Variants in ZNF724 observed in about 807,000 individuals in gnomAD.
ZNF724 encodes zinc finger protein 724 pseudogene.
Under a neutral mutation model 29.3 loss-of-function variants are expected in ZNF724, and 14 were observed. That is an observed-to-expected ratio of 0.48 (90% CI 0.32 to 0.75). ZNF724 has a LOEUF of 0.75. Among genes scored for constraint, ZNF724 ranks in the 30% least tolerant of loss-of-function variants. The pLI is 0.04. For synonymous variants in ZNF724, 180 were observed against 193.6 expected (o/e 0.93, Z 0.58); for missense variants, 557 against 571.2 (o/e 0.98, Z 0.25).
chr19:23,232,288 T>C lies in ZNF724; in HGVS notation c.9A>G (p.Pro3=). 2 of 1,239,050 alleles carry C rather than the reference T, an allele frequency of 1.6e-6. No homozygotes were observed. Among genetic ancestry groups the C allele is most frequent in the Non-Finnish European group, 2.4e-6 (2 of 840,100 alleles). The allele number at this position is 1,239,050 out of a possible 1,614,324, so 76.8% of individuals were successfully genotyped here. ...CTATGGCCACATCCATAAATGTCAA[T>C]GGTCCCTGAAAAGTACACACACACA... is the stretch of plus-strand genomic sequence containing the variant. MG[P]LTFMDVAIEF... Residue 3 remains proline (P), a synonymous_variant, in exon 2 of 4, where the codon CCA becomes CCG. Coordinates refer to ENST00000418100, the MANE Select transcript of ZNF724 (RefSeq NM_001355404.2).
intron 1 of ZNF724, among the ~76,000 whole-genome samples, chr19:23,247,642 G>A (rs550584135): frequency 2.6e-5 from 4 of 152,262 alleles, no homozygotes; most frequent in Admixed American, 2.6e-4. Flanking sequence ...TCTTGTACTA[G>A]CTCACTGAGA....
Position 23,223,498 on chromosome 19 carries a change from A to C in ZNF724, c.747T>G (p.Thr249=), listed in dbSNP as rs1192464708. ...CTTCACGTTTGTAGGATTTCTCTCCAGTATGAATTATCTTATGTGTGTTAA... is the reference window on the plus strand; with the variant it reads ...CTTCACGTTTGTAGGATTTCTCTCCCGTATGAATTATCTTATGTGTGTTAA... The part of the protein sequence containing the change: ...SHLNTHKIIH[T]GEKSYKREEC... Residue 249 remains threonine, a synonymous_variant, in exon 4 of 4, where the codon ACT becomes ACG. Transcript: ENST00000418100. The C allele has an allele frequency of 5.3e-6, 4 of 752,000 alleles. No homozygotes were observed. In the Admixed American group the frequency reaches 7.4e-5, roughly 14 times the overall value. The allele number at this position is 752,000 out of a possible 1,614,324, so 46.6% of individuals were successfully genotyped here. A position where few individuals can be genotyped will look rare whatever the true frequency, so the allele number is the denominator to read the frequency against.
At position 23,222,340 on chromosome 19, in the gene ZNF724, G is replaced by A; in HGVS notation, c.*45C>T. On this transcript the variant is annotated 3_prime_UTR_variant, in exon 4 of 4. Coordinates refer to ENST00000418100, the MANE Select transcript of ZNF724 (RefSeq NM_001355404.2). ...GATCCACCCGCCTTGGCCTCCCAAAGTGCTGGGATTACAGGTGTGAGCCAC... is the reference window on the plus strand; with the variant it reads ...GATCCACCCGCCTTGGCCTCCCAAAATGCTGGGATTACAGGTGTGAGCCAC... The A allele has an allele frequency of 1.3e-6, 1 of 792,760 alleles. No individual in the cohort carries two copies. Among genetic ancestry groups the A allele is most frequent in the Non-Finnish European group, 2.0e-6 (1 of 492,830 alleles). The allele number at this position is 792,760 out of a possible 1,614,324, so 49.1% of individuals were successfully genotyped here. A position where few individuals can be genotyped will look rare whatever the true frequency, so the allele number is the denominator to read the frequency against.
Position 23,222,163 on chromosome 19 carries a change from T to C in ZNF724, c.*222A>G. 1 of 476,778 alleles carries C rather than the reference T, an allele frequency of 2.1e-6. No individual in the cohort carries two copies. The highest frequency in any genetic ancestry group is 3.3e-5 in the South Asian group (1 of 30,632). 29.5% of individuals were successfully genotyped at this position (476,778 alleles called of 1,614,324 possible). On this transcript the variant is annotated 3_prime_UTR_variant, in exon 4 of 4. Coordinates refer to ENST00000418100, the MANE Select transcript of ZNF724 (RefSeq NM_001355404.2). ...ACACTTGTAGAGGTTTCCTCTACTA[T>C]ATTTTACCTACAATCAAGTATGACA...
chr19:23,237,729 A>AAAAG (rs971067496), intron 1 of ZNF724, among the ~76,000 whole-genome samples: 17 of 151,496 alleles, frequency 1.1e-4, no homozygotes, highest in Non-Finnish European at 2.1e-4. Context: ...AAAAAAAAAA[A>AAAAG]AAAAGAAAAT....
At chr19:23,228,939 T>C (rs1242188343) in intron 3 of ZNF724, among the ~76,000 whole-genome samples, 1 of 150,756 alleles carries the variant, frequency 6.6e-6, no homozygotes, top group African/African-American at 2.4e-5. Flanking sequence ...TGGCGCGTGC[T>C]TATAATCCCA....
chr19:23,223,954 T>A lies in ZNF724; in HGVS notation c.291A>T (p.Arg97Ser). The A allele has an allele frequency of 1.3e-6, 1 of 745,176 alleles. No individual in the cohort carries two copies. Among genetic ancestry groups the A allele is most frequent in the Non-Finnish European group, 2.5e-6 (1 of 404,542 alleles). The allele number at this position is 745,176 out of a possible 1,614,324, so 46.2% of individuals were successfully genotyped here. The change falls in exon 4 of 4, where the codon AGA becomes AGT. Residue 97 changes from arginine to serine, a missense_variant. By Grantham distance (110) the Arg-to-Ser change is moderately radical (BLOSUM62 -1). Around this residue, in one of 3 missense-constraint regions of ZNF724, gnomAD observed 362 missense variants for 295.5 expected, o/e 1.22. Coordinates refer to ENST00000418100, the MANE Select transcript of ZNF724 (RefSeq NM_001355404.2). ...ATTTTTCATATTTTCTCAGTATTAT[T>A]CTTTGCAAAGAAGCTTTTATGCTCT... ...PEQSIKASLQ[R>S]IILRKYEKCG... is the part of the protein sequence containing the mutation.
chr19:23,241,869 G>T (rs151095824), intron 1 of ZNF724, among the ~76,000 whole-genome samples: 214 of 152,270 alleles, frequency 1.4e-3, no homozygotes, highest in African/African-American at 4.7e-3. Context: ...ACAGAGAATT[G>T]GAAGTCCTGG....
At chr19:23,231,417 C>A in intron 2 of ZNF724, 56 bp from the exon 3 acceptor site, 1 of 1,163,416 alleles carries the variant, frequency 8.6e-7, no homozygotes. Context: ...AAATAATGTG[C>A]TCAGTAAAAA....
chr19:23,231,950 T>G (rs1971940499), intron 2 of ZNF724, among the ~76,000 whole-genome samples: 4 of 152,102 alleles, frequency 2.6e-5, no homozygotes, highest in Admixed American at 2.6e-4. Context: ...TTGGCCAGGC[T>G]GGTCTTGAAC....
At chr19:23,224,525 A>AT (rs1445680990) in intron 3 of ZNF724, among the ~76,000 whole-genome samples, 7 of 152,192 alleles carry the variant, frequency 4.6e-5, no homozygotes, top group African/African-American at 1.7e-4. Flanking sequence ...TTTGTGAAAA[A>AT]TTTATAAATG....
intron 1 of ZNF724, among the ~76,000 whole-genome samples, chr19:23,245,511 G>C (rs1972219808): frequency 2.6e-5 from 4 of 152,100 alleles, no homozygotes; most frequent in African/African-American, 9.7e-5. Flanking sequence ...TACTCAGGAG[G>C]CTGAGGCAAG....
chr19:23,243,948 TAAATA>T (rs1409297330), intron 1 of ZNF724, among the ~76,000 whole-genome samples: 23 of 49,594 alleles, frequency 4.6e-4, no homozygotes, highest in African/African-American at 1.7e-3. Flanking sequence ...TTAAATTAAA[TAAATA>T]AAAAAAAAAA....
chr19:23,223,109 G>C lies in ZNF724; in HGVS notation c.1136C>G (p.Ser379Ter). The part of the protein sequence containing the change: ...EECGKAFNVS[S>*]TLTQHKRIHT... ...AATTCTCTTATGTTGAGTAAGAGTTGAGGACACGTTAAAGGCTTTGCCACA... is the reference window on the plus strand; with the variant it reads ...AATTCTCTTATGTTGAGTAAGAGTTCAGGACACGTTAAAGGCTTTGCCACA... The change falls in exon 4 of 4, where the codon TCA (serine) becomes TGA (stop). Residue 379 changes from serine (S) to a stop codon, truncating the protein, a stop_gained. Transcript: ENST00000418100. LOFTEE classifies it high-confidence loss of function. 1 of 1,249,888 alleles carries C rather than the reference G, an allele frequency of 8.0e-7. No individual in the cohort carries two copies. Among genetic ancestry groups the C allele is most frequent in the African/African-American group, 1.5e-5 (1 of 68,078 alleles). 77.4% of individuals were successfully genotyped at this position (1,249,888 alleles called of 1,614,324 possible).
At chr19:23,240,501 C>T (rs1160298929) in intron 1 of ZNF724, among the ~76,000 whole-genome samples, 2 of 152,004 alleles carry the variant, frequency 1.3e-5, no homozygotes, top group Non-Finnish European at 2.9e-5. Context: ...TCCAAACAGA[C>T]AAACCTAACC....
intron 1 of ZNF724, among the ~76,000 whole-genome samples, chr19:23,240,431 G>C (rs1257544750): frequency 6.6e-6 from 1 of 152,028 alleles, no homozygotes; most frequent in Non-Finnish European, 1.5e-5. Context: ...ACCAAAAAAG[G>C]AGACAGTTTT....
At chr19:23,243,566 T>G (rs936242517) in intron 1 of ZNF724, among the ~76,000 whole-genome samples, 1 of 125,510 alleles carries the variant, frequency 8.0e-6, no homozygotes, top group Non-Finnish European at 1.7e-5. Context: ...AGCTAAATAA[T>G]AAGAACCCAT....
intron 1 of ZNF724, among the ~76,000 whole-genome samples, chr19:23,248,941 G>A (rs1437063447): frequency 6.6e-6 from 1 of 152,004 alleles, no homozygotes; most frequent in Non-Finnish European, 1.5e-5. Flanking sequence ...GTTGCAGATC[G>A]TGCCACTGCA....
intron 1 of ZNF724, among the ~76,000 whole-genome samples, chr19:23,239,097 A>G (rs1972072448): frequency 6.6e-6 from 1 of 152,186 alleles, no homozygotes; most frequent in East Asian, 1.9e-4. Flanking sequence ...GAGAGCTATG[A>G]AGAGAGTTGG....
Sources: allele counts gnomAD v4.1 joint callset (sites outside exome capture counted in the v4.1 genomes callset), GRCh38; gene constraint gnomAD v4.1.1; regional missense constraint gnomAD v4.1.1; transcripts MANE v1.5; gene names NCBI Gene and HGNC (gene_info 2026-07-23, HGNC 2026-07-21).